The following ZSWIM5 variants were observed in gnomAD, a reference collection of about 807,000 sequenced individuals.
ZSWIM5 encodes zinc finger SWIM-type containing 5, also known as zinc finger SWIM domain-containing protein 5.
ZSWIM5 carries 55 observed loss-of-function variants against 119.6 expected under a neutral mutation model. That is an observed-to-expected ratio of 0.46 (90% CI 0.37 to 0.58). ZSWIM5 has a LOEUF of 0.58. Ranked by LOEUF, ZSWIM5 falls within the 20% of genes least tolerant of loss-of-function variation. The pLI is 0.00. For synonymous variants in ZSWIM5, 537 were observed against 606.9 expected (o/e 0.88, Z 1.69); for missense variants, 1,193 against 1,512.8 (o/e 0.79, Z 3.51).
intron 3 of ZSWIM5, 123 bp from the exon 4 acceptor site, chr1:45,058,882 GA>G: frequency 9.1e-7 from 1 of 1,094,904 alleles, no homozygotes; most frequent in African/African-American, 1.5e-5. Flanking sequence ...AAAAGAGCCA[GA>G]AAGAAGGCCT....
At chr1:45,106,955 G>C (rs1308861896) in intron 1 of ZSWIM5, among the ~76,000 whole-genome samples, 1 of 152,158 alleles carries the variant, frequency 6.6e-6, no homozygotes, top group Non-Finnish European at 1.5e-5. Context: ...TGTCAACTCA[G>C]GGTTAAATAG....
chr1:45,168,664 CAA>C (rs1024002696), intron 1 of ZSWIM5, among the ~76,000 whole-genome samples: 645 of 39,166 alleles, frequency 0.016, 1 homozygote, highest in African/African-American at 0.055. Context: ...GACTCCATCT[CAA>C]AAAAAAAAAA....
At chr1:45,193,472 A>T (rs1350802399) in intron 1 of ZSWIM5, among the ~76,000 whole-genome samples, 1 of 152,188 alleles carries the variant, frequency 6.6e-6, no homozygotes, top group Non-Finnish European at 1.5e-5. Context: ...ATGGTGAAGT[A>T]AAACAAAAAT....
intron 4 of ZSWIM5, among the ~76,000 whole-genome samples, chr1:45,054,871 G>A (rs1645111954): frequency 6.6e-6 from 1 of 152,152 alleles, no homozygotes; most frequent in Non-Finnish European, 1.5e-5. Context: ...TGTCACCGAG[G>A]CTGGAGTGCA....
chr1:45,174,255 G>A (rs1280037750), intron 1 of ZSWIM5, among the ~76,000 whole-genome samples: 2 of 151,972 alleles, frequency 1.3e-5, no homozygotes, highest in Non-Finnish European at 2.9e-5. Flanking sequence ...GCCTGGGTGA[G>A]AAAGCGAGAC....
intron 6 of ZSWIM5, among the ~76,000 whole-genome samples, chr1:45,042,977 T>C (rs1272299054): frequency 6.6e-6 from 1 of 152,218 alleles, no homozygotes; most frequent in East Asian, 1.9e-4. Flanking sequence ...ATTAACTCCT[T>C]TCACCCCCTC....
intron 1 of ZSWIM5, among the ~76,000 whole-genome samples, chr1:45,144,110 C>T (rs745490210): frequency 2.6e-5 from 4 of 151,994 alleles, no homozygotes; most frequent in Non-Finnish European, 5.9e-5. Context: ...GTCAAAATCT[C>T]AGATATTTTA....
intron 1 of ZSWIM5, among the ~76,000 whole-genome samples, chr1:45,190,032 T>C (rs949824890): frequency 5.3e-5 from 8 of 151,850 alleles, no homozygotes; most frequent in Non-Finnish European, 1.2e-4. Context: ...GTAAAACAGT[T>C]GCTGGGTACA....
chr1:45,170,712 C>G (rs1012583454), intron 1 of ZSWIM5, among the ~76,000 whole-genome samples: 1 of 151,896 alleles, frequency 6.6e-6, no homozygotes, highest in Non-Finnish European at 1.5e-5. Context: ...TACAGGTGCA[C>G]AGGTGCATGC....
intron 1 of ZSWIM5, among the ~76,000 whole-genome samples, chr1:45,193,847 T>C (rs1019388448): frequency 3.3e-5 from 5 of 152,248 alleles, no homozygotes; most frequent in Admixed American, 6.5e-5. Flanking sequence ...ACCATCATTT[T>C]GCCCTTTTAC....
Position 45,177,955 on chromosome 1 carries a change from A to C in ZSWIM5, c.595+27801T>G, listed in dbSNP as rs531253326. On this transcript the variant is annotated intron_variant, in intron 1 of 13. Transcript: ENST00000359600. ...CAAGGGTGTTGGCCAGGCTGGTCTCAAACTCCTGATCTCAGGTGATCTGCC... is the reference window on the plus strand; with the variant it reads ...CAAGGGTGTTGGCCAGGCTGGTCTCCAACTCCTGATCTCAGGTGATCTGCC... 6.7e-4 allele frequency among the ~76,000 whole-genome samples: 102 copies of C among 151,506 alleles called. 1 individual carries two copies. Among genetic ancestry groups the C allele is most frequent in the African/African-American group, 2.4e-3 (101 of 41,392 alleles).
intron 1 of ZSWIM5, among the ~76,000 whole-genome samples, chr1:45,100,926 A>C (rs1438800526): frequency 1.3e-5 from 2 of 152,238 alleles, no homozygotes; most frequent in Non-Finnish European, 2.9e-5. Context: ...CTTAAATGTT[A>C]GACCTAAAAC....
intron 1 of ZSWIM5, among the ~76,000 whole-genome samples, chr1:45,188,790 T>C (rs905277841): frequency 2.0e-5 from 3 of 152,172 alleles, no homozygotes; most frequent in Non-Finnish European, 4.4e-5. Flanking sequence ...GGCTAACCTG[T>C]TTTGATGGTG....
At chr1:45,029,749 A>G (rs1050442840) in intron 11 of ZSWIM5, among the ~76,000 whole-genome samples, 4 of 152,200 alleles carry the variant, frequency 2.6e-5, no homozygotes, top group African/African-American at 9.6e-5. Flanking sequence ...AGGTTCACTC[A>G]TGTTGTACCA....
intron 1 of ZSWIM5, among the ~76,000 whole-genome samples, chr1:45,192,617 C>A (rs927846905): frequency 6.6e-5 from 10 of 152,172 alleles, no homozygotes; most frequent in African/African-American, 2.4e-4. Flanking sequence ...TGCTATAAAA[C>A]ATGGTTGTAT....
At chr1:45,030,189 C>T (rs1394316726) in intron 11 of ZSWIM5, among the ~76,000 whole-genome samples, 1 of 152,020 alleles carries the variant, frequency 6.6e-6, no homozygotes, top group East Asian at 1.9e-4. Context: ...AGTGATCTTC[C>T]CACCTCAGCC....
At chr1:45,068,316 G>A (rs554932641) in intron 2 of ZSWIM5, among the ~76,000 whole-genome samples, 68 of 151,746 alleles carry the variant, frequency 4.5e-4, no homozygotes, top group African/African-American at 1.5e-3. Context: ...ATGCTGGCCA[G>A]GCTGGTCTTG....
chr1:45,083,387 A>G (rs1645306284), intron 2 of ZSWIM5, among the ~76,000 whole-genome samples: 1 of 152,036 alleles, frequency 6.6e-6, no homozygotes, highest in South Asian at 2.1e-4. Flanking sequence ...AGTAGCTGGG[A>G]CCACAAGCGC....
intron 1 of ZSWIM5, among the ~76,000 whole-genome samples, chr1:45,199,325 G>T (rs1178677586): frequency 1.3e-5 from 2 of 149,566 alleles, no homozygotes; most frequent in Non-Finnish European, 3.0e-5. Flanking sequence ...TTGAGACGGA[G>T]TCTCACTCTG....
Sources: gnomAD v4.1 joint callset for allele counts (sites outside exome capture counted in the v4.1 genomes callset) on GRCh38, gnomAD v4.1.1 for gene constraint, MANE v1.5 for transcripts, NCBI Gene and HGNC (gene_info 2026-07-23, HGNC 2026-07-21) for gene names.